The following ATG7 variants were observed in gnomAD, a reference collection of about 807,000 sequenced individuals.
ATG7 encodes autophagy related 7.
ATG7 carries 70 observed loss-of-function variants against 82.4 expected under a neutral mutation model. The observed-to-expected ratio is 0.85, with a 90% CI of 0.70 to 1.04. The LOEUF (loss-of-function observed/expected upper bound fraction) is 1.04, where lower values mean the gene tolerates loss of function less well. Ranked by LOEUF, ATG7 falls within the 50% of genes least tolerant of loss-of-function variation. The probability of loss-of-function intolerance (pLI) is 0.00; values close to 1 mark genes in which losing one functional copy is unlikely to be tolerated. For missense variants in ATG7, 792 were observed against 864.3 expected, an observed-to-expected ratio of 0.92 and a Z score of 1.05; for synonymous variants, 287 against 313.0, an observed-to-expected ratio of 0.92 and a Z score of 0.88.
intron 19 of ATG7, among the ~76,000 whole-genome samples, chr3:11,420,469 T>C (rs1274631443): frequency 6.6e-6 from 1 of 152,196 alleles, no homozygotes; most frequent in East Asian, 1.9e-4. Flanking sequence ...CAAAGTATCA[T>C]GTCTGGGGCT....
chr3:11,276,141 A>G (rs1201558301), intron 1 of ATG7, among the ~76,000 whole-genome samples: 3 of 152,170 alleles, frequency 2.0e-5, no homozygotes, highest in Non-Finnish European at 4.4e-5. Context: ...TCTTCCTCAT[A>G]TTCATTCCTC....
At chr3:11,532,898 A>C (rs1392214641) in intron 20 of ATG7, among the ~76,000 whole-genome samples, 1 of 152,232 alleles carries the variant, frequency 6.6e-6, no homozygotes, top group East Asian at 1.9e-4. Flanking sequence ...AGTGCTTTGG[A>C]GGAGGACCTG....
intron 19 of ATG7, among the ~76,000 whole-genome samples, chr3:11,399,921 C>G (rs1183000444): frequency 1.3e-5 from 2 of 152,106 alleles, no homozygotes; most frequent in Non-Finnish European, 2.9e-5. Flanking sequence ...ATGTTCTTGA[C>G]TGGGTTGTAG....
intron 9 of ATG7, among the ~76,000 whole-genome samples, chr3:11,317,207 A>G (rs984630673): frequency 6.6e-6 from 1 of 152,134 alleles, no homozygotes; most frequent in African/African-American, 2.4e-5. Context: ...CCCCCAGGTG[A>G]TTTCACAGAA....
intron 20 of ATG7, among the ~76,000 whole-genome samples, chr3:11,540,091 T>C (rs2070696995): frequency 1.3e-5 from 2 of 152,250 alleles, no homozygotes; most frequent in Admixed American, 6.5e-5. Flanking sequence ...GGTCCTATGG[T>C]GGAAGTGTAT....
At chr3:11,509,912 TGATA>T (rs1463867644) in intron 20 of ATG7, among the ~76,000 whole-genome samples, 1 of 152,176 alleles carries the variant, frequency 6.6e-6, no homozygotes, top group African/African-American at 2.4e-5. Context: ...CCCAGGATCC[TGATA>T]GTGATCTTGG....
chr3:11,329,134 G>A (rs1244543084), intron 9 of ATG7, among the ~76,000 whole-genome samples: 1 of 152,088 alleles, frequency 6.6e-6, no homozygotes, highest in African/African-American at 2.4e-5. Flanking sequence ...AGTATTTATA[G>A]CATGATCCCA....
At chr3:11,517,396 C>A (rs2092314372) in intron 20 of ATG7, among the ~76,000 whole-genome samples, 1 of 151,634 alleles carries the variant, frequency 6.6e-6, no homozygotes, top group African/African-American at 2.4e-5. Context: ...ACAGTAAGAT[C>A]ACTGGTTCAG....
chr3:11,438,095 G>A (rs951580634), intron 20 of ATG7, among the ~76,000 whole-genome samples: 2 of 151,972 alleles, frequency 1.3e-5, no homozygotes, highest in Non-Finnish European at 1.5e-5. Flanking sequence ...ACACCCTCAC[G>A]CTCCTCTCTA....
chr3:11,463,136 C>G (rs775770588), intron 20 of ATG7, among the ~76,000 whole-genome samples: 4 of 152,072 alleles, frequency 2.6e-5, no homozygotes, highest in Non-Finnish European at 5.9e-5. Context: ...CTGCCCTCCT[C>G]CGCCTCCCAA....
intron 1 of ATG7, among the ~76,000 whole-genome samples, chr3:11,273,171 G>A (rs571067090): frequency 3.3e-5 from 5 of 152,296 alleles, no homozygotes; most frequent in Admixed American, 2.0e-4. Context: ...TAAAAACATT[G>A]GCAACTCAGT....
At chr3:11,276,035 T>C (rs1941707252) in intron 1 of ATG7, among the ~76,000 whole-genome samples, 1 of 152,230 alleles carries the variant, frequency 6.6e-6, no homozygotes, top group Admixed American at 6.5e-5. Flanking sequence ...ATTGTGCTTT[T>C]GACACTATTA....
chr3:11,575,868 T>C, the ATG7 span, among the ~76,000 whole-genome samples: 3 of 152,210 alleles, frequency 2.0e-5, no homozygotes, highest in Non-Finnish European at 4.4e-5. Context: ...TGCTTGGCAA[T>C]GTGTGCAGGC....
At chr3:11,523,507 T>C (rs2092495406) in intron 20 of ATG7, among the ~76,000 whole-genome samples, 1 of 152,212 alleles carries the variant, frequency 6.6e-6, no homozygotes, top group Non-Finnish European at 1.5e-5. Flanking sequence ...TGCACTGAAG[T>C]GTTTGATTTA....
At chr3:11,561,420 T>C (rs964211580), downstream of ATG7, among the ~76,000 whole-genome samples, 4 of 152,122 alleles carry the variant, frequency 2.6e-5, no homozygotes, top group African/African-American at 7.2e-5. Context: ...CTGGGGCGAA[T>C]TGCCTTAACC....
intron 18 of ATG7, among the ~76,000 whole-genome samples, chr3:11,375,800 C>T (rs537659641): frequency 1.2e-4 from 18 of 152,286 alleles, no homozygotes; most frequent in African/African-American, 2.6e-4. Context: ...CCTTGTGATC[C>T]GGCCGCCTCA....
At chr3:11,282,820 G>A (rs534740760) in intron 3 of ATG7, among the ~76,000 whole-genome samples, 1 of 152,202 alleles carries the variant, frequency 6.6e-6, no homozygotes, top group Non-Finnish European at 1.5e-5. Flanking sequence ...TATAAAATGT[G>A]CATTGGCTCC....
At chr3:11,568,817 G>C in the ATG7 span, 2 of 1,428,018 alleles carry the variant, frequency 1.4e-6, no homozygotes, top group South Asian at 1.5e-5. The surrounding 1 kb of genome is among the most constrained non-coding windows in gnomAD (Gnocchi z 5.9). Flanking sequence ...GCATCCCCGC[G>C]AACACCCAAA....
chr3:11,525,459 T>A (rs987271943), intron 20 of ATG7, among the ~76,000 whole-genome samples: 1 of 151,098 alleles, frequency 6.6e-6, no homozygotes, highest in Non-Finnish European at 1.5e-5. Context: ...TTTTTTTTTT[T>A]TTTTTTTTTT....
Sources: allele counts gnomAD v4.1 joint callset (sites outside exome capture counted in the v4.1 genomes callset), GRCh38; gene constraint gnomAD v4.1.1; non-coding constraint Gnocchi (gnomAD v3.1); transcripts MANE v1.5; gene names NCBI Gene and HGNC (gene_info 2026-07-23, HGNC 2026-07-21).